Variants in NRG3 observed in about 807,000 individuals in gnomAD.
NRG3 encodes the protein neuregulin 3, also known as pro-neuregulin-3, membrane-bound isoform.
NRG3 carries 31 observed loss-of-function variants against 66.9 expected under a neutral mutation model. The ratio of observed to expected loss-of-function variants is 0.46; its 90% confidence interval spans 0.35 to 0.63. The LOEUF (loss-of-function observed/expected upper bound fraction) is 0.63, where lower values mean the gene tolerates loss of function less well. Among genes scored for constraint, NRG3 ranks in the 20% least tolerant of loss-of-function variants. The probability of loss-of-function intolerance (pLI) is 0.00; values close to 1 mark genes in which losing one functional copy is unlikely to be tolerated. For missense variants in NRG3, 910 were observed against 878.9 expected (o/e 1.04, Z -0.45); for synonymous variants, 393 against 359.4 (o/e 1.09, Z -1.06).
chr10:82,214,331 T>C (rs12255719), intron 1 of NRG3, among the ~76,000 whole-genome samples: 21,743 of 152,118 alleles, frequency 0.14, 2,328 homozygotes, highest in African/African-American at 0.3. Flanking sequence ...CAGCCAATAA[T>C]ACTGCTTCTC....
chr10:82,932,181 T>A (rs894624347), intron 4 of NRG3, among the ~76,000 whole-genome samples: 6 of 152,102 alleles, frequency 3.9e-5, no homozygotes, highest in African/African-American at 1.4e-4. Flanking sequence ...TTTGTTTTCC[T>A]CTCTATGGCG....
At chr10:82,547,495 A>G (rs1565054649) in intron 2 of NRG3, among the ~76,000 whole-genome samples, 1 of 128,624 alleles carries the variant, frequency 7.8e-6, no homozygotes, top group Non-Finnish European at 1.6e-5. Flanking sequence ...GTATATACAT[A>G]TGTGTATATA....
intron 4 of NRG3, among the ~76,000 whole-genome samples, chr10:82,882,411 C>T (rs752460105): frequency 1.8e-4 from 27 of 152,224 alleles, no homozygotes; most frequent in Non-Finnish European, 2.5e-4. Flanking sequence ...GTTTTCTTGA[C>T]GGTAGATGTG....
intron 3 of NRG3, among the ~76,000 whole-genome samples, chr10:82,795,853 A>G (rs2060779236): frequency 6.6e-6 from 1 of 152,128 alleles, no homozygotes; most frequent in Non-Finnish European, 1.5e-5. Flanking sequence ...GGCATTTAGC[A>G]TGAGTGACTC....
intron 2 of NRG3, among the ~76,000 whole-genome samples, chr10:82,654,812 T>C (rs949368012): frequency 3.9e-5 from 6 of 152,120 alleles, no homozygotes; most frequent in African/African-American, 1.2e-4. Flanking sequence ...ATAATTCTTC[T>C]CCGTGGAAAG....
chr10:82,563,171 A>G (rs887151644), intron 2 of NRG3, among the ~76,000 whole-genome samples: 1 of 152,176 alleles, frequency 6.6e-6, no homozygotes, highest in African/African-American at 2.4e-5. Flanking sequence ...CTTTGATGAG[A>G]TTATGAATGA....
At chr10:82,269,139 C>G (rs1252110518) in intron 1 of NRG3, among the ~76,000 whole-genome samples, 1 of 146,852 alleles carries the variant, frequency 6.8e-6, no homozygotes, top group African/African-American at 2.7e-5. Context: ...GGAATCCCTT[C>G]TTAATTTTTC....
At chr10:82,498,047 T>A (rs1390134940) in intron 2 of NRG3, among the ~76,000 whole-genome samples, 1 of 152,116 alleles carries the variant, frequency 6.6e-6, no homozygotes, top group Admixed American at 6.5e-5. Context: ...TGGAAAAAAA[T>A]GTCTGTTCAG....
intron 2 of NRG3, among the ~76,000 whole-genome samples, chr10:82,447,241 A>C (rs542060894): frequency 6.6e-6 from 1 of 152,146 alleles, no homozygotes; most frequent in Non-Finnish European, 1.5e-5. Context: ...CTTTCTGAGA[A>C]TGTTCTTCTA....
At chr10:81,996,194 T>G (rs192613596) in intron 1 of NRG3, among the ~76,000 whole-genome samples, 1 of 152,320 alleles carries the variant, frequency 6.6e-6, no homozygotes, top group Admixed American at 6.5e-5. Context: ...AACAGAATAT[T>G]TGTCAGAACA....
At chr10:82,875,530 T>A (rs758492791) in intron 4 of NRG3, among the ~76,000 whole-genome samples, 1 of 152,100 alleles carries the variant, frequency 6.6e-6, no homozygotes, top group Non-Finnish European at 1.5e-5. Flanking sequence ...GCTAATTTTT[T>A]ATTTTTTTGT....
intron 2 of NRG3, among the ~76,000 whole-genome samples, chr10:82,621,547 G>T (rs1367831657): frequency 6.6e-6 from 1 of 151,862 alleles, no homozygotes; most frequent in African/African-American, 2.4e-5. Context: ...CTGATATCAT[G>T]TGGGGATGAT....
At chr10:82,819,853 G>T (rs2061870570) in intron 3 of NRG3, among the ~76,000 whole-genome samples, 1 of 152,150 alleles carries the variant, frequency 6.6e-6, no homozygotes, top group Non-Finnish European at 1.5e-5. Context: ...AATCCCCAAG[G>T]CTGGGTTTAG....
chr10:82,897,034 C>T (rs369972386), intron 4 of NRG3, among the ~76,000 whole-genome samples: 2 of 152,124 alleles, frequency 1.3e-5, no homozygotes, highest in East Asian at 1.9e-4. Flanking sequence ...CTGGAAAATG[C>T]GAAGACCACC....
At chr10:82,150,530 C>CAAAAAAAAAAA (rs1188955647) in intron 1 of NRG3, among the ~76,000 whole-genome samples, 1 of 26,678 alleles carries the variant, frequency 3.7e-5, no homozygotes, top group African/African-American at 1.5e-4. Flanking sequence ...AGAGCACACA[C>CAAAAAAAAAAA]AAAAAAAAAA....
chr10:82,631,501 C>T (rs1206585142), intron 2 of NRG3, among the ~76,000 whole-genome samples: 1 of 151,750 alleles, frequency 6.6e-6, no homozygotes, highest in African/African-American at 2.4e-5. Flanking sequence ...CTAAGTCTTT[C>T]AGGCAATGTT....
At chr10:82,567,661 G>A (rs764308232) in intron 2 of NRG3, among the ~76,000 whole-genome samples, 2 of 151,868 alleles carry the variant, frequency 1.3e-5, no homozygotes, top group African/African-American at 4.8e-5. Flanking sequence ...AGATATTTCT[G>A]TCTCTATAAA....
chr10:82,841,115 T>C (rs931550531), intron 3 of NRG3, among the ~76,000 whole-genome samples: 6 of 152,004 alleles, frequency 3.9e-5, no homozygotes, highest in African/African-American at 9.7e-5. Flanking sequence ...GACTGAGGCA[T>C]GGACTGGAGT....
intron 1 of NRG3, among the ~76,000 whole-genome samples, chr10:81,920,690 TATA>T (rs903047735): frequency 1.3e-5 from 2 of 152,212 alleles, no homozygotes; most frequent in Non-Finnish European, 2.9e-5. Flanking sequence ...CTTCCAAATT[TATA>T]ATATTATGAA....
Sources: allele counts gnomAD v4.1 joint callset (sites outside exome capture counted in the v4.1 genomes callset), GRCh38; gene constraint gnomAD v4.1.1; transcripts MANE v1.5; gene names NCBI Gene and HGNC (gene_info 2026-07-23, HGNC 2026-07-21).